The following ACMSD variants were observed in gnomAD, a reference collection of about 807,000 sequenced individuals.
ACMSD encodes the protein aminocarboxymuconate semialdehyde decarboxylase, also known as 2-amino-3-carboxymuconate-6-semialdehyde decarboxylase.
Under a neutral mutation model 45.9 loss-of-function variants are expected in ACMSD, and 37 were observed. That is an observed-to-expected ratio of 0.81 (90% confidence interval 0.62 to 1.06). ACMSD has a LOEUF of 1.06. Ranked by LOEUF, ACMSD falls within the 50% of genes least tolerant of loss-of-function variation. The pLI, the probability that ACMSD is intolerant of heterozygous loss-of-function variation, is 0.00. For missense variants in ACMSD, 434 were observed against 420.9 expected, an observed-to-expected ratio of 1.03 and a Z score of -0.27; for synonymous variants, 138 against 148.8, an observed-to-expected ratio of 0.93 and a Z score of 0.53.
intron 2 of ACMSD, among the ~76,000 whole-genome samples, chr2:134,847,128 A>G (rs1281062369): frequency 1.3e-5 from 2 of 152,154 alleles, no homozygotes; most frequent in Non-Finnish European, 2.9e-5. Flanking sequence ...AGGGCACGCT[A>G]AAGAGTCTGG....
chr2:134,845,509 G>GTCTCTCTCTCTCTCTCTCTCTCTC (rs59782657), intron 2 of ACMSD, among the ~76,000 whole-genome samples: 1 of 94,398 alleles, frequency 1.1e-5, no homozygotes, highest in African/African-American at 4.4e-5. Flanking sequence ...ACATTAAAAG[G>GTCTCTCTCTCTCTCTCTCTCTCTC]TCTCTCTCTC....
At position 134,863,275 on chromosome 2, in the gene ACMSD, G is replaced by T. The variant is rs1687930274; in HGVS notation, c.250-120G>T. 4 of 1,078,770 alleles carry T rather than the reference G, an allele frequency of 3.7e-6. No homozygotes were observed. In the Admixed American group the frequency reaches 6.3e-5, roughly 17 times the overall value. The allele number at this position is 1,078,770 out of a possible 1,614,324, so 66.8% of individuals were successfully genotyped here. On this transcript the variant is annotated intron_variant, in intron 4 of 9. Coordinates refer to ENST00000356140, the MANE Select transcript of ACMSD (RefSeq NM_138326.3). ...TTCCCAATCTGTGCCTCTGTTTTCT[G>T]ATGTGGTAAAGCCACTGAAAATGAC...
At position 134,867,635 on chromosome 2, in the gene ACMSD, T is replaced by C. The variant is rs748679977; in HGVS notation, c.543T>C (p.Asp181=). ...TGCATCCCTGGGACATGCAGATGGA[T>C]GGACGAATGGCCAAATACTGGCTCC... ...LFVHPWDMQM[D]GRMAKYWLPW... is the part of the protein sequence containing the mutation. The change falls in exon 6 of 10, where the codon GAT becomes GAC. Residue 181 remains aspartate (D), a synonymous_variant. Coordinates refer to ENST00000356140, the MANE Select transcript of ACMSD (RefSeq NM_138326.3). 2.5e-6 allele frequency: 4 copies of C among 1,613,802 alleles called. No homozygotes were observed. Among genetic ancestry groups the C allele is most frequent in the South Asian group, 1.1e-5 (1 of 90,978 alleles).
At chr2:134,883,370 G>C (rs550881846) in intron 8 of ACMSD, among the ~76,000 whole-genome samples, 1 of 152,202 alleles carries the variant, frequency 6.6e-6, no homozygotes, top group East Asian at 1.9e-4. Flanking sequence ...AGGAGCTAAG[G>C]TTAATGGAAA....
At chr2:134,875,026 G>A (rs1688661301) in intron 8 of ACMSD, among the ~76,000 whole-genome samples, 1 of 152,082 alleles carries the variant, frequency 6.6e-6, no homozygotes, top group South Asian at 2.1e-4. Flanking sequence ...AGTGAGTCAG[G>A]GTTTCACTCT....
intron 8 of ACMSD, among the ~76,000 whole-genome samples, chr2:134,882,082 C>T (rs568434878): frequency 3.4e-4 from 51 of 152,038 alleles, no homozygotes; most frequent in African/African-American, 1.2e-3. Flanking sequence ...TGCACCACTG[C>T]GCTCCAGCCT....
At chr2:134,867,879 C>A in intron 6 of ACMSD, 1 of 357,422 alleles carries the variant, frequency 2.8e-6, no homozygotes, top group Non-Finnish European at 5.0e-6. Context: ...CCAATACCAT[C>A]ATAAATAAAT....
At chr2:134,894,688 G>A (rs1689992544) in intron 8 of ACMSD, among the ~76,000 whole-genome samples, 1 of 152,004 alleles carries the variant, frequency 6.6e-6, no homozygotes, top group African/African-American at 2.4e-5. Context: ...AGACTGAAAG[G>A]CTCTATTCTC....
intron 1 of ACMSD, among the ~76,000 whole-genome samples, chr2:134,840,440 A>C (rs1333171982): frequency 6.6e-6 from 1 of 152,074 alleles, no homozygotes; most frequent in Admixed American, 6.6e-5. Context: ...TGTCCCCCCC[A>C]AAATTCAGGT....
At chr2:134,878,346 A>G (rs1402576251) in intron 8 of ACMSD, among the ~76,000 whole-genome samples, 1 of 152,170 alleles carries the variant, frequency 6.6e-6, no homozygotes, top group Admixed American at 6.5e-5. Flanking sequence ...TTTGTTTTTG[A>G]GACAGGGTTT....
At position 134,861,883 on chromosome 2, in the gene ACMSD, GC is replaced by G. The variant is rs1227235708; in HGVS notation, c.200-85del. On this transcript the variant is annotated intron_variant, in intron 3 of 9. Transcript: ENST00000356140. Reference sequence around the variant, plus strand: ...AGAGCAGGAGGAGTTTAGGGTGGAGGCTTGCTGCCGCTTGGCCTTGGGAAAG... The same window carrying G: ...AGAGCAGGAGGAGTTTAGGGTGGAGGTTGCTGCCGCTTGGCCTTGGGAAAG... 2.1e-6 allele frequency: 3 copies of G among 1,459,830 alleles called. No individual in the cohort carries two copies. In the African/African-American group the frequency reaches 4.2e-5, roughly 20 times the overall value. The allele number at this position is 1,459,830 out of a possible 1,614,324, so 90.4% of individuals were successfully genotyped here.
chr2:134,851,824 G>A (rs1333864105), intron 2 of ACMSD, among the ~76,000 whole-genome samples: 3 of 152,062 alleles, frequency 2.0e-5, no homozygotes, highest in Non-Finnish European at 2.9e-5. Flanking sequence ...GTTGTGAGAT[G>A]GTATCTCATT....
At chr2:134,844,809 C>T (rs1289489626) in intron 1 of ACMSD, among the ~76,000 whole-genome samples, 1 of 151,558 alleles carries the variant, frequency 6.6e-6, no homozygotes, top group East Asian at 2.0e-4. Flanking sequence ...TGTTTGAGTC[C>T]CTATCCACTA....
intron 2 of ACMSD, among the ~76,000 whole-genome samples, chr2:134,850,283 TC>T (rs200322433): frequency 0.47 from 67,148 of 144,172 alleles, 16,431 homozygotes; most frequent in Middle Eastern, 0.81. Context: ...TTTTTTTTTT[TC>T]TGAGATGGAG....
intron 2 of ACMSD, among the ~76,000 whole-genome samples, chr2:134,847,515 T>C (rs1046753008): frequency 1.3e-5 from 2 of 152,176 alleles, no homozygotes; most frequent in African/African-American, 4.8e-5. Flanking sequence ...AATGTGCAGA[T>C]TTGTTACATA....
chr2:134,865,947 C>T (rs7593370), intron 5 of ACMSD, among the ~76,000 whole-genome samples: 89,118 of 152,032 alleles, frequency 0.59, 27,863 homozygotes, highest in Middle Eastern at 0.91. Flanking sequence ...AGTAAAAGTG[C>T]GCATCTCACA....
chr2:134,896,338 A>G (rs576019619), intron 8 of ACMSD, among the ~76,000 whole-genome samples: 2 of 152,238 alleles, frequency 1.3e-5, no homozygotes, highest in African/African-American at 4.8e-5. Flanking sequence ...TTGTGCTTCA[A>G]AAGACAATAC....
intron 8 of ACMSD, among the ~76,000 whole-genome samples, chr2:134,884,541 G>A (rs897521096): frequency 2.0e-5 from 3 of 152,170 alleles, no homozygotes; most frequent in Admixed American, 1.3e-4. Flanking sequence ...TTTTGGAATT[G>A]TAAACAGCTT....
In ACMSD at chr2:134,898,405, T is replaced by G; in HGVS notation, c.914T>G (p.Ile305Arg). The change falls in exon 9 of 10, where the codon ATA (isoleucine) becomes AGA (arginine). Residue 305 changes from isoleucine to arginine, a missense_variant. By Grantham distance (97) the Ile-to-Arg change is moderately conservative. Transcript: ENST00000356140. ...GGTGAGCTGGAACCTGGGAAACTAA[T>G]AGAGTCCATGGAAGAATTTGATGAA... ...PLGELEPGKL[I>R]ESMEEFDEET... The G allele has an allele frequency of 6.2e-7, 1 of 1,602,464 alleles. No homozygotes were observed.
Sources: gnomAD v4.1 joint callset for allele counts (sites outside exome capture counted in the v4.1 genomes callset) on GRCh38, gnomAD v4.1.1 for gene constraint, MANE v1.5 for transcripts, NCBI Gene and HGNC (gene_info 2026-07-23, HGNC 2026-07-21) for gene names.